Variants in CCDC178 observed in about 807,000 individuals in gnomAD.
The protein encoded by CCDC178 is coiled-coil domain-containing protein 178.
Under a neutral mutation model 117.4 loss-of-function variants are expected in CCDC178, and 126 were observed. The ratio of observed to expected loss-of-function variants is 1.07; its 90% confidence interval spans 0.93 to 1.24. The LOEUF (loss-of-function observed/expected upper bound fraction) is 1.24. Ranked by LOEUF, CCDC178 falls within the 50% of genes most tolerant of loss-of-function variation. CCDC178 has a pLI of 0.00. For synonymous variants in CCDC178, 283 were observed against 313.4 expected, an observed-to-expected ratio of 0.90 and a Z score of 1.02; for missense variants, 1,030 against 986.9, an observed-to-expected ratio of 1.04 and a Z score of -0.59.
intron 12 of CCDC178, among the ~76,000 whole-genome samples, chr18:33,271,425 G>A (rs993714579): frequency 6.6e-6 from 1 of 151,594 alleles, no homozygotes; most frequent in African/African-American, 2.4e-5. Flanking sequence ...CAGTAACCAT[G>A]TTAAAGGAAG....
chr18:33,098,670 A>C (rs2057579620), intron 20 of CCDC178, among the ~76,000 whole-genome samples: 1 of 152,006 alleles, frequency 6.6e-6, no homozygotes, highest in Non-Finnish European at 1.5e-5. Context: ...CCATCAGAAA[A>C]CAAAAAATGT....
chr18:33,092,885 T>C lies in CCDC178; in HGVS notation c.2264A>G (p.Glu755Gly). 1 of 1,572,352 alleles carries C rather than the reference T, an allele frequency of 6.4e-7. No homozygotes were observed. Among genetic ancestry groups the C allele is most frequent in the Non-Finnish European group, 8.6e-7 (1 of 1,161,398 alleles). ...ATACTCTTGAGCTAAACGCAGATTT[T>C]CTTCAAGTGAATCAGCTATTATTTT... The part of the protein sequence containing the change: ...TQKIIADSLE[E>G]NLRLAQEYQQ... The change falls in exon 21 of 23, where the codon GAA (glutamate) becomes GGA (glycine). Residue 755 changes from glutamate (E) to glycine (G), a missense_variant. Coordinates refer to ENST00000383096, the MANE Select transcript of CCDC178 (RefSeq NM_001105528.4).
At chr18:33,294,705 C>A (rs1020125194) in intron 11 of CCDC178, among the ~76,000 whole-genome samples, 7 of 152,142 alleles carry the variant, frequency 4.6e-5, no homozygotes, top group Non-Finnish European at 7.4e-5. Context: ...AGTTAGATAG[C>A]CTCAACATTC....
intron 11 of CCDC178, among the ~76,000 whole-genome samples, chr18:33,295,904 G>A (rs574931105): frequency 2.6e-5 from 4 of 152,054 alleles, no homozygotes; most frequent in African/African-American, 7.2e-5. Context: ...TACAGTCAAC[G>A]TACATCCCAA....
At chr18:33,032,625 G>T (rs1279845734) in intron 21 of CCDC178, among the ~76,000 whole-genome samples, 1 of 152,162 alleles carries the variant, frequency 6.6e-6, no homozygotes, top group Non-Finnish European at 1.5e-5. Flanking sequence ...GGCAGCTGAG[G>T]CTATCTGGGG....
At chr18:33,291,056 C>T (rs2060160342) in intron 12 of CCDC178, among the ~76,000 whole-genome samples, 1 of 152,008 alleles carries the variant, frequency 6.6e-6, no homozygotes, top group South Asian at 2.1e-4. Flanking sequence ...AGAAAAACAA[C>T]CCTAAATTTT....
intron 20 of CCDC178, among the ~76,000 whole-genome samples, chr18:33,157,577 T>A (rs2058416189): frequency 6.6e-6 from 1 of 152,138 alleles, no homozygotes; most frequent in Admixed American, 6.5e-5. Context: ...AATCTAACAG[T>A]AATGTGGTTT....
Position 33,320,566 on chromosome 18 carries a change from C to T in CCDC178, c.1022+2925G>A, listed in dbSNP as rs190605730. ...GTGAAGGACTCTTCAAGGAGAACTACAAACCACTGCTCAATGAAATAAAAG... is the reference window on the plus strand; with the variant it reads ...GTGAAGGACTCTTCAAGGAGAACTATAAACCACTGCTCAATGAAATAAAAG... On this transcript the variant is annotated intron_variant, in intron 11 of 22. Transcript: ENST00000383096. Among the ~76,000 whole-genome samples the T allele has an allele frequency of 1.4e-3, 210 of 152,240 alleles. 1 individual carries two copies. The highest frequency in any genetic ancestry group is 4.7e-3 in the African/African-American group (196 of 41,536).
At chr18:33,425,347 T>C (rs1568218750) in intron 2 of CCDC178, among the ~76,000 whole-genome samples, 1 of 152,136 alleles carries the variant, frequency 6.6e-6, no homozygotes, top group Non-Finnish European at 1.5e-5. Flanking sequence ...GGAAAAGATA[T>C]TGGGAAATTT....
intron 21 of CCDC178, among the ~76,000 whole-genome samples, chr18:33,062,865 C>T (rs1275090543): frequency 1.3e-5 from 2 of 152,128 alleles, no homozygotes; most frequent in African/African-American, 2.4e-5. Flanking sequence ...CACCTAGATG[C>T]CGAAGTGTCA....
intron 11 of CCDC178, among the ~76,000 whole-genome samples, chr18:33,297,780 G>A (rs546052767): frequency 8.5e-5 from 13 of 152,216 alleles, no homozygotes; most frequent in South Asian, 2.1e-4. Context: ...AGTGGCTCAC[G>A]CCTGTAATCC....
intron 20 of CCDC178, among the ~76,000 whole-genome samples, chr18:33,099,966 T>C (rs2057600067): frequency 1.3e-5 from 2 of 152,026 alleles, no homozygotes; most frequent in South Asian, 4.1e-4. Context: ...TTAAACTCTA[T>C]GTATTATCAT....
intron 20 of CCDC178, among the ~76,000 whole-genome samples, chr18:33,105,654 C>A (rs1257371624): frequency 2.0e-5 from 3 of 151,528 alleles, no homozygotes; most frequent in Non-Finnish European, 4.4e-5. Flanking sequence ...CATAAAAACA[C>A]AGAAATTTAT....
intron 12 of CCDC178, among the ~76,000 whole-genome samples, chr18:33,282,890 T>C (rs1286782114): frequency 2.0e-5 from 3 of 152,042 alleles, no homozygotes; most frequent in African/African-American, 7.2e-5. Context: ...ACACCCTGAG[T>C]GATCACTCCT....
intron 11 of CCDC178, among the ~76,000 whole-genome samples, chr18:33,319,701 C>A (rs2062476303): frequency 6.6e-6 from 1 of 152,090 alleles, no homozygotes; most frequent in African/African-American, 2.4e-5. Context: ...TGTCCAGTAC[C>A]TGTTTCCTGA....
chr18:33,209,526 T>C (rs1243397338), intron 20 of CCDC178, among the ~76,000 whole-genome samples: 1 of 152,064 alleles, frequency 6.6e-6, no homozygotes, highest in African/African-American at 2.4e-5. Flanking sequence ...GACTCTTTTC[T>C]TTGCAGGGAT....
intron 18 of CCDC178, among the ~76,000 whole-genome samples, chr18:33,216,087 G>A (rs2059162493): frequency 6.6e-6 from 1 of 151,922 alleles, no homozygotes; most frequent in African/African-American, 2.4e-5. Context: ...GACAGAGTGA[G>A]ACCCTGTCTC....
intron 20 of CCDC178, among the ~76,000 whole-genome samples, chr18:33,187,000 A>G (rs775003302): frequency 1.5e-4 from 22 of 149,394 alleles, no homozygotes; most frequent in Non-Finnish European, 2.2e-4. Flanking sequence ...AAGCGGTTTA[A>G]TTGACTCACA....
intron 19 of CCDC178, among the ~76,000 whole-genome samples, chr18:33,213,946 A>G (rs553888279): frequency 1.3e-5 from 2 of 152,224 alleles, no homozygotes; most frequent in Non-Finnish European, 2.9e-5. Flanking sequence ...GCCTGGCAGT[A>G]TGCCCACTAT....
Sources: gnomAD v4.1 joint callset for allele counts (sites outside exome capture counted in the v4.1 genomes callset) on GRCh38, gnomAD v4.1.1 for gene constraint, MANE v1.5 for transcripts, NCBI Gene and HGNC (gene_info 2026-07-23, HGNC 2026-07-21) for gene names.